The following SCHIP1 variants were observed in gnomAD, a reference collection of about 807,000 sequenced individuals.
SCHIP1 encodes the protein schwannomin-interacting protein 1.
In SCHIP1, 8 loss-of-function variants were observed where a neutral mutation model predicts 29.7. The observed-to-expected ratio is 0.27, with a 90% CI of 0.16 to 0.49. The LOEUF (loss-of-function observed/expected upper bound fraction) is 0.49. Among genes scored for constraint, SCHIP1 ranks in the 20% least tolerant of loss-of-function variants. The pLI, the probability that SCHIP1 is intolerant of heterozygous loss-of-function variation, is 0.99. For synonymous variants in SCHIP1, 76 were observed against 94.9 expected (o/e 0.80, Z 1.16); for missense variants, 193 against 294.6 (o/e 0.66, Z 2.52).
At chr3:159,369,357 T>C in the SCHIP1 span, among the ~76,000 whole-genome samples, 1 of 152,164 alleles carries the variant, frequency 6.6e-6, no homozygotes, top group Non-Finnish European at 1.5e-5. Flanking sequence ...AATGCCAATT[T>C]AGCAATATTG....
chr3:159,783,217 T>C, the SCHIP1 span, among the ~76,000 whole-genome samples: 2 of 152,112 alleles, frequency 1.3e-5, no homozygotes, highest in Non-Finnish European at 2.9e-5. Context: ...AACACCAAGG[T>C]TGGTTATTTA....
the SCHIP1 span, among the ~76,000 whole-genome samples, chr3:159,495,729 A>G: frequency 6.6e-6 from 1 of 152,192 alleles, no homozygotes; most frequent in African/African-American, 2.4e-5. Context: ...GCTACCAATG[A>G]CTTTCTTCAC....
At chr3:159,632,755 G>T in the SCHIP1 span, among the ~76,000 whole-genome samples, 1 of 152,280 alleles carries the variant, frequency 6.6e-6, no homozygotes, top group East Asian at 1.9e-4. Context: ...GCCAGGGGAG[G>T]ACGGACTATG....
At chr3:159,286,436 G>A in the SCHIP1 span, among the ~76,000 whole-genome samples, 1 of 152,112 alleles carries the variant, frequency 6.6e-6, no homozygotes, top group Non-Finnish European at 1.5e-5. Flanking sequence ...GTATTCCATG[G>A]TGTATATATA....
the SCHIP1 span, among the ~76,000 whole-genome samples, chr3:159,719,297 C>T: frequency 6.6e-6 from 1 of 152,164 alleles, no homozygotes; most frequent in South Asian, 2.1e-4. Context: ...AAAACCTAGG[C>T]AATACCATTC....
At chr3:159,692,313 G>A in the SCHIP1 span, among the ~76,000 whole-genome samples, 2 of 152,166 alleles carry the variant, frequency 1.3e-5, no homozygotes, top group South Asian at 4.1e-4. Context: ...ATATCCTGCA[G>A]AGTGTTTTCC....
the SCHIP1 span, among the ~76,000 whole-genome samples, chr3:159,395,359 T>C: frequency 1.2e-3 from 190 of 152,318 alleles, 2 homozygotes; most frequent in Middle Eastern, 3.4e-3. Flanking sequence ...AGCCTTCTGC[T>C]AGCTTTTGAA....
chr3:159,787,367 A>G, the SCHIP1 span, among the ~76,000 whole-genome samples: 251 of 152,262 alleles, frequency 1.6e-3, no homozygotes, highest in African/African-American at 5.9e-3. Flanking sequence ...TTTACCCCAC[A>G]TACATTCATA....
the SCHIP1 span, among the ~76,000 whole-genome samples, chr3:159,389,080 G>T: frequency 1.3e-5 from 2 of 151,748 alleles, no homozygotes; most frequent in Non-Finnish European, 2.9e-5. Flanking sequence ...GTGGGTGGGC[G>T]TGTGTGTGTG....
At chr3:159,693,822 A>AT in the SCHIP1 span, among the ~76,000 whole-genome samples, 1 of 152,198 alleles carries the variant, frequency 6.6e-6, no homozygotes, top group East Asian at 1.9e-4. Flanking sequence ...AATTTTTAAG[A>AT]TTTCGGTTAA....
At chr3:159,602,432 C>T in the SCHIP1 span, among the ~76,000 whole-genome samples, 33 of 152,274 alleles carry the variant, frequency 2.2e-4, no homozygotes, top group African/African-American at 7.9e-4. Context: ...CAGGCCGGGC[C>T]AGGCATGGTG....
the SCHIP1 span, among the ~76,000 whole-genome samples, chr3:159,684,529 G>C: frequency 6.6e-6 from 1 of 152,074 alleles, no homozygotes; most frequent in Non-Finnish European, 1.5e-5. Context: ...TCCTCTGCCG[G>C]GTGTGGTGGC....
At chr3:159,649,050 T>C in the SCHIP1 span, among the ~76,000 whole-genome samples, 1 of 152,220 alleles carries the variant, frequency 6.6e-6, no homozygotes, top group East Asian at 1.9e-4. Flanking sequence ...TAAAGAACTC[T>C]GATGGAAGGA....
chr3:159,417,679 A>G, the SCHIP1 span, among the ~76,000 whole-genome samples: 1 of 152,160 alleles, frequency 6.6e-6, no homozygotes, highest in African/African-American at 2.4e-5. Context: ...CCTTCCTGTA[A>G]CTTTGCAGTG....
the SCHIP1 span, among the ~76,000 whole-genome samples, chr3:159,579,458 T>TG: frequency 6.6e-6 from 1 of 152,222 alleles, no homozygotes; most frequent in Non-Finnish European, 1.5e-5. Flanking sequence ...AAAAATATTT[T>TG]GGGGTACTCC....
chr3:159,300,112 G>GTTTTTTTT, the SCHIP1 span, among the ~76,000 whole-genome samples: 1 of 47,636 alleles, frequency 2.1e-5, no homozygotes, highest in Non-Finnish European at 4.8e-5. Context: ...AGGGAAAGCT[G>GTTTTTTTT]CTTTTTTTTT....
the SCHIP1 span, among the ~76,000 whole-genome samples, chr3:159,519,095 C>T: frequency 6.6e-6 from 1 of 151,974 alleles, no homozygotes; most frequent in Non-Finnish European, 1.5e-5. Context: ...TAAAACAAAG[C>T]ATTACCAACT....
chr3:159,478,127 T>C, the SCHIP1 span, among the ~76,000 whole-genome samples: 1 of 152,040 alleles, frequency 6.6e-6, no homozygotes, highest in Non-Finnish European at 1.5e-5. Flanking sequence ...TTCACCATGT[T>C]GGCCAGGATG....
the SCHIP1 span, among the ~76,000 whole-genome samples, chr3:159,393,755 C>T: frequency 2.6e-5 from 4 of 151,018 alleles, no homozygotes; most frequent in East Asian, 7.8e-4. Flanking sequence ...TGTGATGCCT[C>T]CAGCTTTGTT....
Sources: allele counts gnomAD v4.1 joint callset (sites outside exome capture counted in the v4.1 genomes callset), GRCh38; gene constraint gnomAD v4.1.1; transcripts MANE v1.5; gene names NCBI Gene and HGNC (gene_info 2026-07-23, HGNC 2026-07-21).